Variants in TENM3 observed in about 807,000 individuals in gnomAD.
TENM3 encodes the protein teneurin transmembrane protein 3.
In TENM3, 63 loss-of-function variants were observed where a neutral mutation model predicts 255.1. The observed-to-expected ratio is 0.25, with a 90% CI of 0.20 to 0.30. TENM3 has a LOEUF of 0.30. Ranked by LOEUF, TENM3 falls within the 10% of genes least tolerant of loss-of-function variation. TENM3 has a pLI of 1.00. For missense variants in TENM3, 2,929 were observed against 3,461.1 expected (o/e 0.85, Z 3.86); for synonymous variants, 1,306 against 1,322.3 (o/e 0.99, Z 0.27).
At chr4:181,553,467 A>C in the TENM3 span, among the ~76,000 whole-genome samples, 1 of 151,876 alleles carries the variant, frequency 6.6e-6, no homozygotes, top group Non-Finnish European at 1.5e-5. Context: ...TTTGAGGCGG[A>C]GTCTGGCTCT....
chr4:181,990,331 G>T, the TENM3 span, among the ~76,000 whole-genome samples: 1 of 152,122 alleles, frequency 6.6e-6, no homozygotes, highest in Non-Finnish European at 1.5e-5. Flanking sequence ...AGTGACCATG[G>T]ATAAACTACG....
At chr4:182,377,954 C>T (rs1037224307) in intron 3 of TENM3, among the ~76,000 whole-genome samples, 6 of 152,072 alleles carry the variant, frequency 3.9e-5, no homozygotes, top group African/African-American at 1.2e-4. Flanking sequence ...ACTGCGATTT[C>T]GGATGGCATG....
chr4:181,793,862 T>C, the TENM3 span, among the ~76,000 whole-genome samples: 7 of 152,340 alleles, frequency 4.6e-5, no homozygotes, highest in Admixed American at 2.6e-4. Flanking sequence ...TGAGTATTTT[T>C]CAGTGTTTTC....
At chr4:182,431,761 T>G (rs1311741751) in intron 3 of TENM3, among the ~76,000 whole-genome samples, 1 of 151,840 alleles carries the variant, frequency 6.6e-6, no homozygotes, top group African/African-American at 2.4e-5. Flanking sequence ...GCACTGGACA[T>G]CATGGTGTAA....
chr4:182,414,814 C>T (rs1251339915), intron 3 of TENM3, among the ~76,000 whole-genome samples: 3 of 152,118 alleles, frequency 2.0e-5, no homozygotes, highest in East Asian at 1.9e-4. Context: ...GACACATGCA[C>T]GTGCACACAC....
chr4:181,628,653 GTAT>G, the TENM3 span, among the ~76,000 whole-genome samples: 5 of 152,108 alleles, frequency 3.3e-5, no homozygotes, highest in African/African-American at 1.2e-4. Flanking sequence ...TAGATGTGTG[GTAT>G]TATTTCTGAG....
At chr4:181,702,670 A>T in the TENM3 span, among the ~76,000 whole-genome samples, 1 of 152,200 alleles carries the variant, frequency 6.6e-6, no homozygotes, top group East Asian at 1.9e-4. Context: ...GCCAATAATA[A>T]TAATACATAA....
chr4:181,968,640 A>C, the TENM3 span, among the ~76,000 whole-genome samples: 2 of 152,316 alleles, frequency 1.3e-5, no homozygotes, highest in African/African-American at 4.8e-5. Context: ...ACTAAGAATC[A>C]TGTTACCTAT....
Position 182,469,261 on chromosome 4 carries a change from C to G in TENM3, c.511+122332C>G, listed in dbSNP as rs192471586. On this transcript the variant is annotated intron_variant, in intron 3 of 27. Transcript: ENST00000511685. ...GTGTTAGTCTCTGCTATCATATGCCCCAATTTCATAATTTTATTGTAATAA... is the reference window on the plus strand; with the variant it reads ...GTGTTAGTCTCTGCTATCATATGCCGCAATTTCATAATTTTATTGTAATAA... 3.2e-3 allele frequency among the ~76,000 whole-genome samples: 492 copies of G among 152,132 alleles called. 8 individuals carry two copies. Among genetic ancestry groups the G allele is most frequent in the African/African-American group, 0.011 (465 of 41,508 alleles).
chr4:181,536,069 G>C, the TENM3 span, among the ~76,000 whole-genome samples: 1 of 152,068 alleles, frequency 6.6e-6, no homozygotes, highest in South Asian at 2.1e-4. Context: ...TTTATGAAAC[G>C]TAAAAGCCAA....
At chr4:181,761,801 A>C in the TENM3 span, among the ~76,000 whole-genome samples, 1 of 152,220 alleles carries the variant, frequency 6.6e-6, no homozygotes, top group South Asian at 2.1e-4. Flanking sequence ...ATCTATTTTA[A>C]AATGTCAAGC....
chr4:181,965,586 AC>A, the TENM3 span, among the ~76,000 whole-genome samples: 1 of 152,028 alleles, frequency 6.6e-6, no homozygotes, highest in Non-Finnish European at 1.5e-5. Flanking sequence ...CTCCAACCTT[AC>A]CCCCAATAAG....
chr4:181,759,892 C>A, the TENM3 span, among the ~76,000 whole-genome samples: 1 of 152,034 alleles, frequency 6.6e-6, no homozygotes, highest in Non-Finnish European at 1.5e-5. Flanking sequence ...CTCTTCCTAA[C>A]AGCCTTTTAT....
chr4:182,231,028 CTTG>C (rs1756541087), intron 1 of TENM3, among the ~76,000 whole-genome samples: 3 of 151,374 alleles, frequency 2.0e-5, no homozygotes, highest in Admixed American at 6.6e-5. Flanking sequence ...CAGGCCCAAG[CTTG>C]TTGTATGCTG....
intron 19 of TENM3, among the ~76,000 whole-genome samples, chr4:182,750,456 AT>A (rs1213572955): frequency 1.3e-5 from 2 of 152,276 alleles, no homozygotes; most frequent in South Asian, 2.1e-4. Context: ...CTCTAACAAC[AT>A]GAGAAACACT....
At chr4:182,446,156 G>GCTGCTA (rs1772895343) in intron 3 of TENM3, among the ~76,000 whole-genome samples, 1 of 152,138 alleles carries the variant, frequency 6.6e-6, no homozygotes, top group South Asian at 2.1e-4. Context: ...TGCCCCATGG[G>GCTGCTA]CTGCTACTGC....
At chr4:182,084,222 A>C in the TENM3 span, among the ~76,000 whole-genome samples, 1 of 152,114 alleles carries the variant, frequency 6.6e-6, no homozygotes, top group African/African-American at 2.4e-5. Context: ...CCTCCTCTCC[A>C]CTGCATTTAG....
At chr4:182,409,060 CA>C (rs1769785260) in intron 3 of TENM3, among the ~76,000 whole-genome samples, 1 of 152,222 alleles carries the variant, frequency 6.6e-6, no homozygotes, top group Admixed American at 6.5e-5. Flanking sequence ...GGCACTCTGA[CA>C]AATGAGGTAA....
the TENM3 span, among the ~76,000 whole-genome samples, chr4:181,584,763 C>T: frequency 6.6e-6 from 1 of 152,114 alleles, no homozygotes; most frequent in African/African-American, 2.4e-5. Flanking sequence ...ATTACAATTG[C>T]ACCTCATTGT....
Sources: allele counts gnomAD v4.1 joint callset (sites outside exome capture counted in the v4.1 genomes callset), GRCh38; gene constraint gnomAD v4.1.1; transcripts MANE v1.5; gene names NCBI Gene and HGNC (gene_info 2026-07-23, HGNC 2026-07-21).